The following MACROD2 variants were observed in gnomAD, a reference collection of about 807,000 sequenced individuals.
MACROD2 encodes the protein ADP-ribose glycohydrolase MACROD2.
Under a neutral mutation model 70.4 loss-of-function variants are expected in MACROD2, and 36 were observed. That is an observed-to-expected ratio of 0.51 (90% confidence interval 0.39 to 0.68). The LOEUF (loss-of-function observed/expected upper bound fraction) is 0.68. Among genes scored for constraint, MACROD2 ranks in the 30% least tolerant of loss-of-function variants. The pLI is 0.00. For missense variants in MACROD2, 496 were observed against 538.4 expected (o/e 0.92, Z 0.78); for synonymous variants, 172 against 178.8 (o/e 0.96, Z 0.30).
At chr20:15,773,801 G>A (rs1416234191) in intron 8 of MACROD2, among the ~76,000 whole-genome samples, 1 of 152,088 alleles carries the variant, frequency 6.6e-6, no homozygotes, top group Non-Finnish European at 1.5e-5. Flanking sequence ...GTTATGAACA[G>A]CATTGTCCTT....
intron 8 of MACROD2, among the ~76,000 whole-genome samples, chr20:15,740,318 T>C (rs776164416): frequency 2.6e-5 from 4 of 152,156 alleles, no homozygotes; most frequent in African/African-American, 4.8e-5. Flanking sequence ...GTAAAAACAA[T>C]GGCAGTCTTT....
intron 10 of MACROD2, among the ~76,000 whole-genome samples, chr20:15,900,271 C>G (rs1396650700): frequency 1.3e-5 from 2 of 152,172 alleles, no homozygotes; most frequent in African/African-American, 4.8e-5. Flanking sequence ...GCAGCTTTCC[C>G]CTGAAGAAAA....
chr20:14,384,747 A>G (rs1046719982), intron 3 of MACROD2, among the ~76,000 whole-genome samples: 6 of 151,874 alleles, frequency 4.0e-5, no homozygotes, highest in Non-Finnish European at 7.4e-5. Context: ...TTCTTGTGCA[A>G]TTGGGTTTAT....
intron 3 of MACROD2, among the ~76,000 whole-genome samples, chr20:14,488,677 T>G (rs1289017946): frequency 6.6e-6 from 1 of 152,220 alleles, no homozygotes; most frequent in African/African-American, 2.4e-5. Context: ...TATTGTATGG[T>G]GGGTTCTTCT....
chr20:15,953,976 T>C (rs188079687), intron 12 of MACROD2, among the ~76,000 whole-genome samples: 9 of 152,272 alleles, frequency 5.9e-5, no homozygotes, highest in Non-Finnish European at 8.8e-5. Context: ...ATATTTTTGA[T>C]CTTGGAGTTC....
At chr20:14,334,028 A>G (rs1440527350) in intron 3 of MACROD2, among the ~76,000 whole-genome samples, 1 of 152,224 alleles carries the variant, frequency 6.6e-6, no homozygotes, top group Non-Finnish European at 1.5e-5. Context: ...TTTAAACAGA[A>G]TAATACCTGC....
intron 5 of MACROD2, among the ~76,000 whole-genome samples, chr20:15,135,997 C>G (rs1318398753): frequency 6.7e-6 from 1 of 148,228 alleles, no homozygotes; most frequent in Non-Finnish European, 1.5e-5. Flanking sequence ...AGGAATCCAA[C>G]TTACAAGGGA....
chr20:15,962,373 T>C (rs1015693829), intron 12 of MACROD2, among the ~76,000 whole-genome samples: 1 of 152,332 alleles, frequency 6.6e-6, no homozygotes, highest in Non-Finnish European at 1.5e-5. Context: ...ACTGAGATTA[T>C]GTAAAGTGCC....
At chr20:14,919,273 G>C (rs1356593294) in intron 5 of MACROD2, among the ~76,000 whole-genome samples, 3 of 152,174 alleles carry the variant, frequency 2.0e-5, no homozygotes, top group Admixed American at 6.5e-5. Context: ...CCTCCATGTT[G>C]TTGTAAATTC....
chr20:14,197,679 A>G (rs999671702), intron 3 of MACROD2, among the ~76,000 whole-genome samples: 1 of 151,982 alleles, frequency 6.6e-6, no homozygotes, highest in Non-Finnish European at 1.5e-5. Flanking sequence ...AGACAGGACA[A>G]TTGCTTGAAC....
chr20:14,217,839 G>T (rs1216658633), intron 3 of MACROD2, among the ~76,000 whole-genome samples: 4 of 151,996 alleles, frequency 2.6e-5, no homozygotes, highest in East Asian at 3.9e-4. Context: ...ATATTTCAGT[G>T]GTGTCAGCTG....
In MACROD2 at chr20:14,652,169, TA is replaced by T. The variant is rs527331959; in HGVS notation, c.302-32672del. ...TGTTTTCTTTTAATTATTTTACATA[TA>T]AGTTTAGACAGTTGACTGTTGGGAA... On this transcript the variant is annotated intron_variant, in intron 4 of 17. Coordinates refer to ENST00000684519, the MANE Select transcript of MACROD2 (RefSeq NM_001351661.2). Among the ~76,000 whole-genome samples the T allele has an allele frequency of 3.2e-4, 49 of 152,306 alleles. No homozygotes were observed. In the South Asian group the frequency reaches 4.8e-3, roughly 15 times the overall value.
At chr20:14,941,299 G>C (rs961663589) in intron 5 of MACROD2, among the ~76,000 whole-genome samples, 2 of 151,974 alleles carry the variant, frequency 1.3e-5, no homozygotes, top group Non-Finnish European at 1.5e-5. Context: ...GTTTCCTGGG[G>C]AGGGGTTGGT....
intron 3 of MACROD2, among the ~76,000 whole-genome samples, chr20:14,141,961 A>G (rs1392143925): frequency 1.3e-5 from 2 of 152,062 alleles, no homozygotes; most frequent in Non-Finnish European, 2.9e-5. Flanking sequence ...CATGTTTCAA[A>G]TATTGTCTTT....
intron 3 of MACROD2, among the ~76,000 whole-genome samples, chr20:14,448,186 A>G (rs2084204983): frequency 6.6e-6 from 1 of 151,914 alleles, no homozygotes; most frequent in African/African-American, 2.4e-5. Flanking sequence ...AAAGTAGGGG[A>G]AGAGGGATGG....
intron 8 of MACROD2, among the ~76,000 whole-genome samples, chr20:15,680,609 G>C (rs1568971371): frequency 1.3e-5 from 2 of 152,186 alleles, no homozygotes; most frequent in African/African-American, 4.8e-5. Flanking sequence ...TGTGAATTCA[G>C]GAGTCAGTAA....
At chr20:14,431,290 A>G (rs2083991770) in intron 3 of MACROD2, among the ~76,000 whole-genome samples, 1 of 152,162 alleles carries the variant, frequency 6.6e-6, no homozygotes, top group African/African-American at 2.4e-5. Context: ...TATATAACTG[A>G]TAAGTGGCAG....
chr20:14,673,259 T>C (rs1310186091), intron 4 of MACROD2, among the ~76,000 whole-genome samples: 1 of 152,204 alleles, frequency 6.6e-6, no homozygotes, highest in Non-Finnish European at 1.5e-5. Context: ...GAGTCAGGAC[T>C]CATGGTTTCA....
intron 9 of MACROD2, among the ~76,000 whole-genome samples, chr20:15,874,015 T>C (rs1314786349): frequency 6.6e-6 from 1 of 152,066 alleles, no homozygotes; most frequent in Admixed American, 6.6e-5. Context: ...GCTGTACCCG[T>C]CAACTTGTCA....
Sources: allele counts gnomAD v4.1 joint callset (sites outside exome capture counted in the v4.1 genomes callset), GRCh38; gene constraint gnomAD v4.1.1; transcripts MANE v1.5; gene names NCBI Gene and HGNC (gene_info 2026-07-23, HGNC 2026-07-21).